MAGEB17: variants seen among roughly 807,000 people sequenced by gnomAD.
MAGEB17 encodes melanoma-associated antigen B17.
For synonymous variants in MAGEB17, 110 were observed against 112.4 expected (o/e 0.98, Z 0.13); for missense variants, 251 against 281.4 (o/e 0.89, Z 0.77).
At chrX:16,169,454 G>A (rs1176674301) in intron 1 of MAGEB17, among the ~76,000 whole-genome samples, 1 of 112,514 alleles carries the variant, frequency 8.9e-6, no homozygotes. Context: ...GGGACATGAT[G>A]AGCATTTGTG....
In MAGEB17 at chrX:16,170,702, ATCT is replaced by A. The variant is rs755014736; in HGVS notation, c.324_326del (p.Leu109del). The A allele has an allele frequency of 1.8e-5, 21 of 1,165,751 alleles. No homozygotes were observed. In the South Asian group the frequency reaches 3.6e-4, roughly 20 times the overall value. Reference sequence around the variant, plus strand: ...TCCTCCTCTGAGAGCACAGGAAGAGATCTTCTGAACACGAAGACGGGCGAATTG... The same window carrying A: ...TCCTCCTCTGAGAGCACAGGAAGAGATCTGAACACGAAGACGGGCGAATTG... On this transcript the variant is annotated inframe_deletion, in exon 2 of 2. Transcript: ENST00000400004.
chrX:16,168,457 G>A (rs1403331006), intron 1 of MAGEB17, among the ~76,000 whole-genome samples: 1 of 112,605 alleles, frequency 8.9e-6, no homozygotes, highest in Admixed American at 9.2e-5. Flanking sequence ...GCCAGACGGG[G>A]CATGCCGTGA....
At position 16,170,774 on chromosome X, in the gene MAGEB17, C is replaced by T. The variant is rs1424723455; in HGVS notation, c.392C>T (p.Thr131Met). The change falls in exon 2 of 2, where the codon ACG (threonine) becomes ATG (methionine). Residue 131 changes from threonine to methionine, a missense_variant. Coordinates refer to ENST00000400004, the MANE Select transcript of MAGEB17 (RefSeq NM_001277307.2). ...LNKYIRKEPI[T>M]REAMLKVINR... is the part of the protein sequence containing the mutation. ...AAGTATATAAGGAAAGAGCCCATTACGAGGGAAGCCATGCTGAAGGTTATC... is the reference window on the plus strand; with the variant it reads ...AAGTATATAAGGAAAGAGCCCATTATGAGGGAAGCCATGCTGAAGGTTATC... The T allele has an allele frequency of 1.4e-5, 16 of 1,165,774 alleles. No homozygotes were observed. The highest frequency in any genetic ancestry group is 2.6e-5 in the Admixed American group (1 of 38,608).
In MAGEB17 at chrX:16,171,185, G is replaced by A. The variant is rs779703806; in HGVS notation, c.803G>A (p.Arg268His). 7 of 1,210,471 alleles carry A rather than the reference G, an allele frequency of 5.8e-6. No homozygotes were observed. The highest frequency in any genetic ancestry group is 5.3e-5 in the South Asian group (3 of 56,737). ...CAGGTGCCCAGCAGCGATCCTCCAC[G>A]CTACGAGTTCCTGTGGGGTCCCAGG... is the stretch of plus-strand genomic sequence containing the variant. ...YQQVPSSDPPRYEFLWGPRAR... is the reference protein window; with the variant it reads ...YQQVPSSDPPHYEFLWGPRAR... Residue 268 changes from arginine to histidine, a missense_variant, in exon 2 of 2, where the codon CGC (arginine) becomes CAC (histidine). Coordinates refer to ENST00000400004, the MANE Select transcript of MAGEB17 (RefSeq NM_001277307.2).
chrX:16,170,047 A>G (rs186942033), intron 1 of MAGEB17, among the ~76,000 whole-genome samples: 1 of 111,800 alleles, frequency 8.9e-6, no homozygotes, highest in Non-Finnish European at 1.9e-5. Context: ...ATCCCTCCCT[A>G]TGTCAGAGGT....
In MAGEB17 at chrX:16,171,265, G is replaced by T. The variant is rs762198020; in HGVS notation, c.883G>T (p.Asp295Tyr). 13 of 1,207,262 alleles carry T rather than the reference G, an allele frequency of 1.1e-5. No homozygotes were observed. In the Admixed American group the frequency reaches 1.8e-4, roughly 16 times the overall value. Residue 295 changes from aspartate to tyrosine, a missense_variant, in exon 2 of 2, where the codon GAT becomes TAT. Asp to Tyr is a radical substitution (Grantham distance 160). Transcript: ENST00000400004. The stretch of plus-strand genomic sequence containing the variant: ...CCTGGAGTTTGTGGCCAAGCTCAAT[G>T]ATACCGTTGCCAGTACCTACAAGTC... The part of the protein sequence containing the change: ...KVLEFVAKLN[D>Y]TVASTYKSRY...
chrX:16,170,262 C>A, intron 1 of MAGEB17, 72 bp from the exon 2 acceptor site: 7 of 1,084,778 alleles, frequency 6.5e-6, no homozygotes, highest in Non-Finnish European at 8.3e-6. Context: ...CTCAAGGACA[C>A]CTGCATGGAG....
At position 16,171,110 on chromosome X, in the gene MAGEB17, A is replaced by C; in HGVS notation, c.728A>C (p.Gln243Pro). Residue 243 changes from glutamine (Q) to proline (P), a missense_variant, in exon 2 of 2, where the codon CAG becomes CCG. Physicochemically the swap from Gln to Pro is moderately conservative, Grantham distance 76 (BLOSUM62 -1). Transcript: ENST00000400004. ...AAGCACTTCATCTATGGGGAGCCCC[A>C]GGAGCTTGTCACCAAAGATTTGGTG... Reference protein sequence around the residue: ...GRKHFIYGEPQELVTKDLVRE... With the variant: ...GRKHFIYGEPPELVTKDLVRE... The C allele has an allele frequency of 8.3e-7, 1 of 1,207,074 alleles. No individual in the cohort carries two copies.
At position 16,170,764 on chromosome X, in the gene MAGEB17, G is replaced by T. The variant is rs1268188575; in HGVS notation, c.382G>T (p.Glu128Ter). ...CCTCCTCAACAAGTATATAAGGAAA[G>T]AGCCCATTACGAGGGAAGCCATGCT... ...QFLLNKYIRK[E>*]PITREAMLKV... Residue 128 changes from glutamate to a stop codon, truncating the protein, a stop_gained, in exon 2 of 2, where the codon GAG becomes TAG. Transcript: ENST00000400004. LOFTEE classifies it low-confidence loss of function (END_TRUNC). The T allele has an allele frequency of 8.6e-7, 1 of 1,166,013 alleles. No homozygotes were observed. The highest frequency in any genetic ancestry group is 1.8e-5 in the African/African-American group (1 of 55,851).
Position 16,170,778 on chromosome X carries a change from G to A in MAGEB17, c.396G>A (p.Arg132=), listed in dbSNP as rs1923042693. 12 of 1,165,931 alleles carry A rather than the reference G, an allele frequency of 1.0e-5. No homozygotes were observed. In the South Asian group the frequency reaches 2.1e-4, roughly 20 times the overall value. Reference sequence around the variant, plus strand: ...ATATAAGGAAAGAGCCCATTACGAGGGAAGCCATGCTGAAGGTTATCAACA... The same window carrying A: ...ATATAAGGAAAGAGCCCATTACGAGAGAAGCCATGCTGAAGGTTATCAACA... ...NKYIRKEPIT[R]EAMLKVINRK... Residue 132 remains arginine (R), a synonymous_variant, in exon 2 of 2, where the codon AGG becomes AGA. Transcript: ENST00000400004.
chrX:16,168,399 G>T (rs1038495060), intron 1 of MAGEB17, among the ~76,000 whole-genome samples: 1 of 111,842 alleles, frequency 8.9e-6, no homozygotes, highest in Non-Finnish European at 1.9e-5. Flanking sequence ...CAGAGAGCCA[G>T]GTTTCTGCTG....
At chrX:16,168,771 TG>T (rs1922996007) in intron 1 of MAGEB17, 1 of 112,233 alleles carries the variant, frequency 8.9e-6, no homozygotes, top group African/African-American at 3.2e-5. Flanking sequence ...GTCCCAGGAC[TG>T]GTCAAGTAGC....
intron 1 of MAGEB17, among the ~76,000 whole-genome samples, chrX:16,168,512 C>A (rs1292512383): frequency 8.9e-6 from 1 of 111,946 alleles, no homozygotes; most frequent in Non-Finnish European, 1.9e-5. Flanking sequence ...TGGGCCTGGG[C>A]CTGGCTGACT....
intron 1 of MAGEB17, among the ~76,000 whole-genome samples, chrX:16,168,219 G>A (rs1414442555): frequency 5.4e-5 from 6 of 111,115 alleles, no homozygotes; most frequent in African/African-American, 9.8e-5. Context: ...GGTGGCCGGC[G>A]CCTGTGGCCC....
chrX:16,170,826 T>A lies in MAGEB17; in HGVS notation c.444T>A (p.Pro148=), dbSNP rs1352488872. The A allele has an allele frequency of 8.6e-7, 1 of 1,165,810 alleles. No individual in the cohort carries two copies. Among genetic ancestry groups the A allele is most frequent in the African/African-American group, 1.8e-5 (1 of 55,895 alleles). Residue 148 remains proline (P), a synonymous_variant, in exon 2 of 2, where the codon CCT becomes CCA. Coordinates refer to ENST00000400004, the MANE Select transcript of MAGEB17 (RefSeq NM_001277307.2). ...ACAGAAAGTACAAGCAGCACTTCCCTGAGATCCTCCGGAGAAGCACTGAGA... is the reference window on the plus strand; with the variant it reads ...ACAGAAAGTACAAGCAGCACTTCCCAGAGATCCTCCGGAGAAGCACTGAGA... ...VINRKYKQHF[P]EILRRSTENV... is the part of the protein sequence containing the mutation.
chrX:16,170,355 T>TAAGG lies in MAGEB17; in HGVS notation c.-28_-27insAAGG. 1 of 1,139,832 alleles carries TAAGG rather than the reference T, an allele frequency of 8.8e-7. No homozygotes were observed. Among genetic ancestry groups the TAAGG allele is most frequent in the South Asian group, 2.1e-5 (1 of 48,212 alleles). The allele number at this position is 1,139,832 out of a possible 1,213,427, so 93.9% of individuals were successfully genotyped here. Reference sequence around the variant, plus strand: ...CCAGGTGCCCACCTCCTGCACCCTCTTGCCTGCTGCCCCTAAGCACAGTCA... The same window carrying TAAGG: ...CCAGGTGCCCACCTCCTGCACCCTCTAAGGTGCCTGCTGCCCCTAAGCACAGTCA... On this transcript the variant is annotated 5_prime_UTR_variant, in exon 2 of 2. Transcript: ENST00000400004.
chrX:16,170,962 G>A lies in MAGEB17; in HGVS notation c.580G>A (p.Gly194Arg), dbSNP rs778559458. 3.6e-5 allele frequency: 42 copies of A among 1,165,962 alleles called. No individual in the cohort carries two copies. The highest frequency in any genetic ancestry group is 4.6e-4 in the Middle Eastern group (2 of 4,327). ...FPNQGSLSDG[G>R]GFPLSGLLMV... is the part of the protein sequence containing the mutation. The stretch of plus-strand genomic sequence containing the variant: ...CAATCAAGGAAGCTTGAGCGATGGC[G>A]GGGGCTTTCCCCTGAGCGGGCTCCT... The change falls in exon 2 of 2, where the codon GGG becomes AGG. Residue 194 changes from glycine to arginine, a missense_variant. Gly to Arg is a moderately radical substitution (Grantham distance 125, BLOSUM62 -2). Transcript: ENST00000400004.
chrX:16,170,837 G>A lies in MAGEB17; in HGVS notation c.455G>A (p.Arg152Gln), dbSNP rs185161295. 3.4e-4 allele frequency: 399 copies of A among 1,166,059 alleles called. No homozygotes were observed. The African/African-American group carries it at 3.4e-3, about 10-fold the overall frequency. ...KYKQHFPEILRRSTENVEVVF... is the reference protein window; with the variant it reads ...KYKQHFPEILQRSTENVEVVF... Reference sequence around the variant, plus strand: ...AAGCAGCACTTCCCTGAGATCCTCCGGAGAAGCACTGAGAACGTAGAGGTG... The same window carrying A: ...AAGCAGCACTTCCCTGAGATCCTCCAGAGAAGCACTGAGAACGTAGAGGTG... Residue 152 changes from arginine (R) to glutamine (Q), a missense_variant, in exon 2 of 2, where the codon CGG becomes CAG. Physicochemically the swap from Arg to Gln is conservative, Grantham distance 43 (BLOSUM62 1). Coordinates refer to ENST00000400004, the MANE Select transcript of MAGEB17 (RefSeq NM_001277307.2).
At chrX:16,168,445 T>C (rs1227973541) in intron 1 of MAGEB17, among the ~76,000 whole-genome samples, 2 of 112,038 alleles carry the variant, frequency 1.8e-5, no homozygotes, top group African/African-American at 6.5e-5. Flanking sequence ...CGTGCAGGCA[T>C]AGCCAGACGG....
Sources: allele counts gnomAD v4.1 joint callset (sites outside exome capture counted in the v4.1 genomes callset), GRCh38; gene constraint gnomAD v4.1.1; transcripts MANE v1.5; gene names NCBI Gene and HGNC (gene_info 2026-07-23, HGNC 2026-07-21).